The following VPS50 variants were observed in gnomAD, a reference collection of about 807,000 sequenced individuals.
The protein encoded by VPS50 is VPS50 subunit of EARP/GARPII complex, also known as syndetin.
Under a neutral mutation model 139.7 loss-of-function variants are expected in VPS50, and 70 were observed. The observed-to-expected ratio is 0.50, with a 90% CI of 0.41 to 0.61. The LOEUF (loss-of-function observed/expected upper bound fraction) is 0.61. Ranked by LOEUF, VPS50 falls within the 20% of genes least tolerant of loss-of-function variation. The pLI is 0.00. For missense variants in VPS50, 921 were observed against 1,133.7 expected (o/e 0.81, Z 2.69); for synonymous variants, 365 against 376.7 (o/e 0.97, Z 0.36).
intron 14 of VPS50, 98 bp from the exon 15 acceptor site, chr7:93,296,644 C>G (rs533559486): frequency 6.7e-7 from 1 of 1,502,350 alleles, no homozygotes; most frequent in Non-Finnish European, 8.8e-7. Flanking sequence ...GGAATATATT[C>G]CTGTCTCATT....
At chr7:93,282,824 C>A (rs1318821810) in intron 12 of VPS50, among the ~76,000 whole-genome samples, 1 of 152,142 alleles carries the variant, frequency 6.6e-6, no homozygotes, top group Non-Finnish European at 1.5e-5. Flanking sequence ...AGAATATTAT[C>A]ATTTACTTGG....
intron 21 of VPS50, chr7:93,333,846 C>A: frequency 2.7e-6 from 1 of 366,792 alleles, no homozygotes; most frequent in Non-Finnish European, 4.9e-6. Context: ...TAATGACTCG[C>A]GAGAAAGAAA....
Position 93,349,177 on chromosome 7 carries a change from C to G in VPS50, c.2304+370C>G, listed in dbSNP as rs116028173. Among the ~76,000 whole-genome samples the G allele has an allele frequency of 9.9e-3, 1,504 of 152,044 alleles. 31 individuals are homozygous for G. Among genetic ancestry groups the G allele is most frequent in the African/African-American group, 0.034 (1,419 of 41,450 alleles). On this transcript the variant is annotated intron_variant, in intron 24 of 27. Coordinates refer to ENST00000305866, the MANE Select transcript of VPS50 (RefSeq NM_017667.4). Reference sequence around the variant, plus strand: ...GGAAGTAATGTTTAAACTGGACCAGCAGGGTAGAGAGGGTGAATGAGGGAT... The same window carrying G: ...GGAAGTAATGTTTAAACTGGACCAGGAGGGTAGAGAGGGTGAATGAGGGAT...
intron 12 of VPS50, among the ~76,000 whole-genome samples, chr7:93,277,196 G>T (rs1471248109): frequency 6.6e-6 from 1 of 152,152 alleles, no homozygotes; most frequent in African/African-American, 2.4e-5. Context: ...AAAACTAGGA[G>T]ATGGTGGTGT....
intron 25 of VPS50, among the ~76,000 whole-genome samples, 155 bp from the exon 26 acceptor site, chr7:93,353,485 A>G (rs1243455501): frequency 3.3e-5 from 5 of 152,214 alleles, no homozygotes; most frequent in Non-Finnish European, 4.4e-5. Context: ...TAAGGCCTTC[A>G]TACTAAGTCC....
chr7:93,354,417 C>G (rs1407806485), intron 26 of VPS50, among the ~76,000 whole-genome samples: 1 of 151,952 alleles, frequency 6.6e-6, no homozygotes, highest in African/African-American at 2.4e-5. Flanking sequence ...CCTCAGCCTC[C>G]TGAGCAGCTG....
intron 24 of VPS50, among the ~76,000 whole-genome samples, chr7:93,349,592 G>A (rs1484804161): frequency 1.3e-5 from 2 of 152,040 alleles, no homozygotes. Flanking sequence ...GGAGAGAAGT[G>A]GAAGAATTTG....
At chr7:93,314,954 T>C (rs1797381212) in intron 20 of VPS50, among the ~76,000 whole-genome samples, 1 of 152,046 alleles carries the variant, frequency 6.6e-6, no homozygotes, top group Admixed American at 6.6e-5. Context: ...TGCATAAAAA[T>C]GGTTAAAAAT....
intron 23 of VPS50, among the ~76,000 whole-genome samples, chr7:93,345,565 GC>G (rs1338209143): frequency 4.6e-5 from 7 of 152,286 alleles, no homozygotes; most frequent in Non-Finnish European, 8.8e-5. Flanking sequence ...GAACATTGAT[GC>G]AAAAATCCTT....
intron 4 of VPS50, chr7:93,256,308 G>C (rs1039151582): frequency 1.4e-5 from 5 of 368,282 alleles, no homozygotes; most frequent in African/African-American, 1.1e-4. Flanking sequence ...ACCAGGACCT[G>C]TGCTATGTGC....
At chr7:93,303,805 C>T (rs1797045035) in intron 17 of VPS50, among the ~76,000 whole-genome samples, 1 of 151,118 alleles carries the variant, frequency 6.6e-6, no homozygotes, top group African/African-American at 2.5e-5. Flanking sequence ...AAAAGAGTTA[C>T]AGTTAAAATG....
chr7:93,287,817 T>A (rs556705858), intron 12 of VPS50, among the ~76,000 whole-genome samples: 1 of 152,252 alleles, frequency 6.6e-6, no homozygotes, highest in African/African-American at 2.4e-5. Flanking sequence ...AGGTTTTTAG[T>A]CTTTTCTTGA....
chr7:93,322,357 T>C (rs1797638641), intron 20 of VPS50, among the ~76,000 whole-genome samples: 1 of 151,970 alleles, frequency 6.6e-6, no homozygotes, highest in South Asian at 2.1e-4. Context: ...CCCAGCACTT[T>C]GGGAGGCCGA....
intron 5 of VPS50, 49 bp from the exon 6 acceptor site, chr7:93,257,345 A>C: frequency 8.7e-7 from 1 of 1,155,498 alleles, no homozygotes; most frequent in East Asian, 2.4e-5. Flanking sequence ...TAAATAAGAA[A>C]GAAAAATAAA....
chr7:93,308,000 A>G (rs1197976206), intron 18 of VPS50, among the ~76,000 whole-genome samples: 3 of 151,974 alleles, frequency 2.0e-5, no homozygotes, highest in African/African-American at 7.2e-5. Flanking sequence ...TGTCTGTATG[A>G]TTAAATGAGA....
At chr7:93,247,015 T>G (rs1795175976) in intron 2 of VPS50, among the ~76,000 whole-genome samples, 1 of 151,944 alleles carries the variant, frequency 6.6e-6, no homozygotes, top group South Asian at 2.1e-4. Context: ...TATGATTGTT[T>G]TTCTTCACTT....
At chr7:93,317,005 A>G (rs1478835674) in intron 20 of VPS50, among the ~76,000 whole-genome samples, 1 of 152,198 alleles carries the variant, frequency 6.6e-6, no homozygotes, top group South Asian at 2.1e-4. Flanking sequence ...GAAACCTAGG[A>G]AACAGCAGTG....
intron 12 of VPS50, among the ~76,000 whole-genome samples, chr7:93,289,210 A>C (rs1240340954): frequency 3.3e-5 from 5 of 152,112 alleles, no homozygotes; most frequent in Non-Finnish European, 1.5e-5. Flanking sequence ...AGAATCTTTG[A>C]GATTGGTGAG....
At position 93,343,838 on chromosome 7, in the gene VPS50, C is replaced by G. The variant is rs553399951; in HGVS notation, c.2207+2263C>G. 5.3e-5 allele frequency among the ~76,000 whole-genome samples: 8 copies of G among 151,974 alleles called. No individual in the cohort carries two copies. In the South Asian group the frequency reaches 1.0e-3, roughly 20 times the overall value. ...AGAGCTCCTGAAGGAAGCGCTAAAC[C>G]TGGAAAGGAACAACCGGTACCAGCC... On this transcript the variant is annotated intron_variant, in intron 23 of 27. Coordinates refer to ENST00000305866, the MANE Select transcript of VPS50 (RefSeq NM_017667.4).
Sources: allele counts gnomAD v4.1 joint callset (sites outside exome capture counted in the v4.1 genomes callset), GRCh38; gene constraint gnomAD v4.1.1; transcripts MANE v1.5; gene names NCBI Gene and HGNC (gene_info 2026-07-23, HGNC 2026-07-21).